The following DLG2 variants were observed in gnomAD, a reference collection of about 807,000 sequenced individuals.
The protein encoded by DLG2 is discs large MAGUK scaffold protein 2.
DLG2 carries 45 observed loss-of-function variants against 132.5 expected under a neutral mutation model. The ratio of observed to expected loss-of-function variants is 0.34; its 90% CI spans 0.27 to 0.44. The LOEUF (loss-of-function observed/expected upper bound fraction) is 0.44, where lower values mean the gene tolerates loss of function less well. Among genes scored for constraint, DLG2 ranks in the 20% least tolerant of loss-of-function variants. DLG2 has a pLI of 1.00. For synonymous variants in DLG2, 424 were observed against 419.6 expected (o/e 1.01, Z -0.13); for missense variants, 1,045 against 1,196.9 (o/e 0.87, Z 1.87).
At chr11:83,997,044 C>T (rs138187247) in intron 11 of DLG2, among the ~76,000 whole-genome samples, 46 of 151,646 alleles carry the variant, frequency 3.0e-4, no homozygotes, top group African/African-American at 8.7e-4. Flanking sequence ...GCTTACTTCG[C>T]GTGACATGCC....
Position 83,536,427 on chromosome 11 carries a change from G to A in DLG2, c.2118-3644C>T, listed in dbSNP as rs905756379. 2.0e-5 allele frequency among the ~76,000 whole-genome samples: 3 copies of A among 152,224 alleles called. No homozygotes were observed. The East Asian group carries it at 5.8e-4, about 29-fold the overall frequency. ...TCTCTGCAAACCTCTTTCCTTGAGA[G>A]GGAGGCTATGTCTGTGGCTTAGCTT... On this transcript the variant is annotated intron_variant, in intron 20 of 27. Transcript: ENST00000376104.
intron 24 of DLG2, 88 bp from the exon 25 acceptor site, chr11:83,469,461 T>C (rs142443540): frequency 3.8e-4 from 376 of 980,540 alleles, no homozygotes; most frequent in Non-Finnish European, 5.2e-4. Context: ...ATCCTCAACA[T>C]TGATATGTAG....
intron 6 of DLG2, among the ~76,000 whole-genome samples, chr11:84,874,549 T>C (rs1363834684): frequency 6.6e-6 from 1 of 152,178 alleles, no homozygotes; most frequent in African/African-American, 2.4e-5. Flanking sequence ...TCAACAACTT[T>C]AAGTGGGGAC....
At chr11:84,925,736 C>G (rs2092954075) in intron 6 of DLG2, among the ~76,000 whole-genome samples, 2 of 152,128 alleles carry the variant, frequency 1.3e-5, no homozygotes, top group Admixed American at 1.3e-4. Flanking sequence ...CCTGGAAAAT[C>G]ACTTCCATGC....
intron 6 of DLG2, among the ~76,000 whole-genome samples, chr11:84,737,936 T>C (rs1238881003): frequency 6.6e-6 from 1 of 152,070 alleles, no homozygotes; most frequent in Admixed American, 6.5e-5. Context: ...TGTTTGTGTA[T>C]ACGTGTGGGA....
intron 19 of DLG2, among the ~76,000 whole-genome samples, chr11:83,588,486 A>C (rs1234251239): frequency 2.6e-5 from 4 of 151,630 alleles, no homozygotes; most frequent in African/African-American, 9.7e-5. Context: ...CCATCTGTAC[A>C]TCACCATCAC....
intron 22 of DLG2, chr11:83,480,430 G>A (rs1157345636): frequency 3.3e-6 from 5 of 1,534,234 alleles, no homozygotes; most frequent in East Asian, 2.4e-5. Context: ...GAACAGCACA[G>A]CAAATTAAAG....
At chr11:84,113,342 A>G (rs535280127) in intron 9 of DLG2, among the ~76,000 whole-genome samples, 2 of 152,346 alleles carry the variant, frequency 1.3e-5, no homozygotes, top group South Asian at 4.1e-4. Context: ...CAATTATTTC[A>G]GTTGCAAGCT....
chr11:85,504,760 G>T (rs1314464286), intron 3 of DLG2, among the ~76,000 whole-genome samples: 1 of 152,154 alleles, frequency 6.6e-6, no homozygotes, highest in Admixed American at 6.6e-5. Context: ...AAAGTCATTG[G>T]TAGCTTGATG....
chr11:84,049,744 T>C lies in DLG2; in HGVS notation c.919+9571A>G, dbSNP rs1258211683. On this transcript the variant is annotated intron_variant, in intron 11 of 27. Transcript: ENST00000376104. ...GTTGATATTCATCCTTTTCATGCCC[T>C]ATGGGTTACTTGGCCTGATAATAAA... Among the ~76,000 whole-genome samples, 5 of 151,792 alleles carry C rather than the reference T, an allele frequency of 3.3e-5. No individual in the cohort carries two copies. The South Asian group carries it at 8.3e-4, about 25-fold the overall frequency.
Position 84,893,938 on chromosome 11 carries a change from G to A in DLG2, c.357+217723C>T, listed in dbSNP as rs185621516. ...TAGGCTTTAGGGTATTTATGACCTC[G>A]CTGGATATTATAAATTATATACATA... On this transcript the variant is annotated intron_variant, in intron 6 of 27. Coordinates refer to ENST00000376104, the MANE Select transcript of DLG2 (RefSeq NM_001142699.3). Among the ~76,000 whole-genome samples the A allele has an allele frequency of 3.3e-3, 498 of 152,188 alleles. 4 individuals are homozygous for A. The highest frequency in any genetic ancestry group is 0.011 in the African/African-American group (443 of 41,528).
intron 2 of DLG2, among the ~76,000 whole-genome samples, chr11:85,624,681 C>A (rs924448422): frequency 4.6e-4 from 70 of 152,120 alleles, no homozygotes; most frequent in African/African-American, 1.7e-3. Context: ...GAATATGTAT[C>A]ATAATACTAG....
rs1379569020 is a variant in DLG2, at chr11:83,745,851, C to A, written c.1825+40839G>T. ...TACTCATCTGACAAAGGGCTAATATCCAGAATCTACAAAGAACTCAAACAA... is the reference window on the plus strand; with the variant it reads ...TACTCATCTGACAAAGGGCTAATATACAGAATCTACAAAGAACTCAAACAA... On this transcript the variant is annotated intron_variant, in intron 18 of 27. Transcript: ENST00000376104. 3.9e-5 allele frequency among the ~76,000 whole-genome samples: 6 copies of A among 151,906 alleles called. No homozygotes were observed. In the South Asian group the frequency reaches 1.0e-3, roughly 26 times the overall value.
At chr11:83,628,744 T>C (rs369210345) in intron 19 of DLG2, among the ~76,000 whole-genome samples, 9 of 152,150 alleles carry the variant, frequency 5.9e-5, no homozygotes, top group East Asian at 1.9e-4. Context: ...TAATATAAGG[T>C]AGTAAAGACA....
At chr11:85,386,187 C>A (rs934396798) in intron 3 of DLG2, among the ~76,000 whole-genome samples, 3 of 152,182 alleles carry the variant, frequency 2.0e-5, no homozygotes, top group Non-Finnish European at 4.4e-5. Context: ...CACATTCTAG[C>A]TGTGTGATTT....
chr11:84,297,641 T>G (rs1371501689), intron 7 of DLG2, among the ~76,000 whole-genome samples: 1 of 152,082 alleles, frequency 6.6e-6, no homozygotes, highest in Non-Finnish European at 1.5e-5. Flanking sequence ...CTCAAACTCA[T>G]TCTCACTGTA....
intron 3 of DLG2, among the ~76,000 whole-genome samples, chr11:85,472,736 T>C (rs986717432): frequency 2.2e-4 from 34 of 152,200 alleles, no homozygotes; most frequent in Admixed American, 1.8e-3. Flanking sequence ...TGTAACAGTA[T>C]AGCCCCCGTG....
intron 18 of DLG2, among the ~76,000 whole-genome samples, chr11:83,734,384 C>CTTCT (rs2091562452): frequency 6.9e-6 from 1 of 145,234 alleles, no homozygotes; most frequent in Non-Finnish European, 1.5e-5. Context: ...TCCTTCCTTC[C>CTTCT]TTCCTTCCTT....
At chr11:83,814,705 A>T (rs1004734242) in intron 17 of DLG2, 4 of 161,690 alleles carry the variant, frequency 2.5e-5, no homozygotes, top group Admixed American at 6.4e-5. Context: ...TGGCCCAAGA[A>T]GTATAACCTT....
Sources: gnomAD v4.1 joint callset for allele counts (sites outside exome capture counted in the v4.1 genomes callset) on GRCh38, gnomAD v4.1.1 for gene constraint, MANE v1.5 for transcripts, NCBI Gene and HGNC (gene_info 2026-07-23, HGNC 2026-07-21) for gene names.